The following NAV2 variants were observed in gnomAD, a reference collection of about 807,000 sequenced individuals.
NAV2 encodes neuron navigator 2, also known as helicase, APC down-regulated 1.
Under a neutral mutation model 223.2 loss-of-function variants are expected in NAV2, and 54 were observed. The observed-to-expected ratio is 0.24, with a 90% confidence interval of 0.19 to 0.30. NAV2 has a LOEUF of 0.30. Among genes scored for constraint, NAV2 ranks in the 10% least tolerant of loss-of-function variants. The pLI is 1.00. For missense variants in NAV2, 2,806 were observed against 3,147.5 expected (o/e 0.89, Z 2.60); for synonymous variants, 1,279 against 1,239.3 (o/e 1.03, Z -0.67).
chr11:19,531,530 A>G (rs944409936), intron 1 of NAV2, among the ~76,000 whole-genome samples: 2 of 152,218 alleles, frequency 1.3e-5, no homozygotes, highest in Non-Finnish European at 2.9e-5. Context: ...AAATTTGTTG[A>G]CAGATTGGAT....
At chr11:19,638,905 C>G (rs1372835487) in intron 1 of NAV2, among the ~76,000 whole-genome samples, 9 of 152,152 alleles carry the variant, frequency 5.9e-5, no homozygotes, top group African/African-American at 1.9e-4. Flanking sequence ...AGGCAGGAGA[C>G]TCGCTTGAAC....
At chr11:19,609,185 G>A (rs1415923076) in intron 1 of NAV2, among the ~76,000 whole-genome samples, 3 of 152,172 alleles carry the variant, frequency 2.0e-5, no homozygotes, top group Non-Finnish European at 4.4e-5. Flanking sequence ...TAGTACACCA[G>A]TACAGGCATT....
chr11:19,389,823 C>T lies in NAV2; in HGVS notation c.75+38796C>T, dbSNP rs114734003. Among the ~76,000 whole-genome samples, 591 of 152,284 alleles carry T rather than the reference C, an allele frequency of 3.9e-3. 7 individuals are homozygous for T. The highest frequency in any genetic ancestry group is 0.014 in the Middle Eastern group (4 of 294). On this transcript the variant is annotated intron_variant, in intron 1 of 37. Transcript: ENST00000360655. ...CTTGAACTTCCCTGAAATTCTCTCG[C>T]CCAGCCCACATTGCTAAGCTCTTCA...
chr11:20,108,345 G>A (rs568861043), intron 36 of NAV2, among the ~76,000 whole-genome samples: 6 of 152,188 alleles, frequency 3.9e-5, no homozygotes, highest in Non-Finnish European at 8.8e-5. Context: ...GAGGCTGGTG[G>A]CATTCTTTCC....
In NAV2 at chr11:19,554,998, C is replaced by T. The variant is rs139339808; in HGVS notation, c.75+203971C>T. On this transcript the variant is annotated intron_variant, in intron 1 of 37. Transcript: ENST00000360655. ...TTAAAAATGGGGTTTCTATCTCATA[C>T]ATACCATGTTTTGCAAAAAAAAAAA... Among the ~76,000 whole-genome samples the T allele has an allele frequency of 3.9e-4, 40 of 102,410 alleles. No individual in the cohort carries two copies. The East Asian group carries it at 0.011, about 27-fold the overall frequency. 67.2% of individuals were successfully genotyped at this position (102,410 alleles called of 152,430 possible).
chr11:19,752,436 T>C (rs936064950), intron 1 of NAV2, among the ~76,000 whole-genome samples: 2 of 152,204 alleles, frequency 1.3e-5, no homozygotes, highest in African/African-American at 2.4e-5. Flanking sequence ...AAAAATCTTA[T>C]AGAAAATGTC....
intron 1 of NAV2, among the ~76,000 whole-genome samples, chr11:19,419,482 C>T (rs1460866119): frequency 1.3e-5 from 2 of 152,192 alleles, no homozygotes; most frequent in East Asian, 1.9e-4. Flanking sequence ...TCGACTGCTC[C>T]TCCCTTTCTG....
chr11:19,831,184 A>C (rs2059907704), intron 1 of NAV2, among the ~76,000 whole-genome samples: 2 of 120,960 alleles, frequency 1.7e-5, no homozygotes, highest in Admixed American at 1.1e-4. Context: ...CTGCTTGGCA[A>C]ACCTGACCCC....
intron 1 of NAV2, among the ~76,000 whole-genome samples, chr11:19,617,014 C>T (rs2046818074): frequency 1.3e-5 from 2 of 152,040 alleles, no homozygotes. Flanking sequence ...ATTGCAGGCT[C>T]ATTTGGGGGC....
intron 1 of NAV2, among the ~76,000 whole-genome samples, chr11:19,794,182 A>T (rs887214857): frequency 3.9e-5 from 6 of 152,168 alleles, no homozygotes; most frequent in Non-Finnish European, 7.3e-5. Context: ...AAATGAATGA[A>T]TGACAAATGA....
chr11:20,089,628 G>T (rs1329984229), intron 26 of NAV2, among the ~76,000 whole-genome samples: 2 of 152,168 alleles, frequency 1.3e-5, no homozygotes, highest in Non-Finnish European at 2.9e-5. Context: ...GGTGTTTGGG[G>T]TTGTTTTTCT....
At chr11:19,567,114 T>C (rs890800906) in intron 1 of NAV2, among the ~76,000 whole-genome samples, 2 of 152,224 alleles carry the variant, frequency 1.3e-5, no homozygotes, top group Non-Finnish European at 2.9e-5. Context: ...TGTTCCAGAA[T>C]TTCCCTGCTG....
chr11:19,595,734 A>AT (rs967014865), intron 1 of NAV2, among the ~76,000 whole-genome samples: 1 of 55,480 alleles, frequency 1.8e-5, no homozygotes, highest in African/African-American at 3.5e-5. Flanking sequence ...AAAAAAAAAA[A>AT]TTTTTTTTTT....
intron 1 of NAV2, among the ~76,000 whole-genome samples, chr11:19,489,872 T>TTATTTA (rs2042566616): frequency 1.3e-5 from 2 of 152,330 alleles, no homozygotes; most frequent in East Asian, 3.9e-4. Context: ...TCTTCTTTAT[T>TTATTTA]CCACAGTCCC....
At chr11:19,595,470 T>C (rs1032232503) in intron 1 of NAV2, among the ~76,000 whole-genome samples, 1 of 152,242 alleles carries the variant, frequency 6.6e-6, no homozygotes, top group South Asian at 2.1e-4. Flanking sequence ...ATCCCCATTT[T>C]ATAGATGAGG....
chr11:19,510,139 G>C (rs1487186), intron 1 of NAV2, among the ~76,000 whole-genome samples: 8,759 of 152,270 alleles, frequency 0.058, 317 homozygotes, highest in East Asian at 0.14. Flanking sequence ...AGGAGAACGT[G>C]AGAGGAAGAA....
Position 19,946,078 on chromosome 11 carries a change from A to T in NAV2, c.2147-323A>T, listed in dbSNP as rs1644394597. Among the ~76,000 whole-genome samples the T allele has an allele frequency of 1.3e-5, 2 of 152,278 alleles. 1 individual carries two copies. Among genetic ancestry groups the T allele is most frequent in the South Asian group, 4.1e-4 (2 of 4,822 alleles). The stretch of plus-strand genomic sequence containing the variant: ...GGGTAGAAAATGACTACCTGGTTGG[A>T]CCTAACCTGAGCATGTCTCTGTTGG... On this transcript the variant is annotated intron_variant, in intron 8 of 37. Transcript: ENST00000349880.
intron 28 of NAV2, 142 bp from the exon 29 acceptor site, chr11:20,092,957 C>A: frequency 5.3e-6 from 3 of 566,632 alleles, no homozygotes; most frequent in Middle Eastern, 4.8e-4. Context: ...TCCATTTTGC[C>A]CTCTCCTCTT....
Position 19,562,005 on chromosome 11 carries a change from C to T in NAV2, c.75+210978C>T, listed in dbSNP as rs188129517. Among the ~76,000 whole-genome samples the T allele has an allele frequency of 3.3e-5, 5 of 152,324 alleles. No individual in the cohort carries two copies. The East Asian group carries it at 9.7e-4, about 29-fold the overall frequency. On this transcript the variant is annotated intron_variant, in intron 1 of 37. Transcript: ENST00000360655. ...TGCCATTGATGGGCCTGGGTGTCAC[C>T]CCATCCAGAGATGCAGGCACTAAGC...
Sources: allele counts gnomAD v4.1 joint callset (sites outside exome capture counted in the v4.1 genomes callset), GRCh38; gene constraint gnomAD v4.1.1; transcripts MANE v1.5; gene names NCBI Gene and HGNC (gene_info 2026-07-23, HGNC 2026-07-21).